The following COL17A1 variants were observed in gnomAD, a reference collection of about 807,000 sequenced individuals.
The protein encoded by COL17A1 is collagen type XVII alpha 1 chain, also known as collagen alpha-1(XVII) chain.
A neutral mutation model predicts 218.4 loss-of-function variants in COL17A1; 181 were observed. That is an observed-to-expected ratio of 0.83 (90% CI 0.73 to 0.94). The LOEUF is 0.94. Among genes scored for constraint, COL17A1 ranks in the 40% least tolerant of loss-of-function variants. The pLI is 0.00. For missense variants in COL17A1, 1,924 were observed against 1,945.9 expected (o/e 0.99, Z 0.21); for synonymous variants, 721 against 731.0 (o/e 0.99, Z 0.22).
Position 104,040,388 on chromosome 10 carries a change from TG to T in COL17A1, c.2723del (p.Pro908GlnfsTer158). The T allele has an allele frequency of 6.2e-7, 1 of 1,611,538 alleles. No individual in the cohort carries two copies. Among genetic ancestry groups the T allele is most frequent in the Non-Finnish European group, 8.5e-7 (1 of 1,177,688 alleles). ...TGGGACCTGGGGGGCCAGGTGGGCCTGGGGGGCCGGAGAGGAAGGTTTCTGC... is the reference window on the plus strand; with the variant it reads ...TGGGACCTGGGGGGCCAGGTGGGCCTGGGGGCCGGAGAGGAAGGTTTCTGC... ...SNSETFLSGP[P>X]GPPGPPGPKG... On this transcript the variant is annotated frameshift_variant, in exon 40 of 56. Coordinates refer to ENST00000648076, the MANE Select transcript of COL17A1 (RefSeq NM_000494.4). LOFTEE classifies it high-confidence loss of function.
At chr10:104,039,165 C>G in intron 43 of COL17A1, 44 bp from the exon 44 acceptor site, 1 of 1,599,470 alleles carries the variant, frequency 6.3e-7, no homozygotes, top group Non-Finnish European at 8.6e-7. Flanking sequence ...CTCCAGGAAG[C>G]CTTCCCTGGT....
intron 1 of COL17A1, among the ~76,000 whole-genome samples, chr10:104,082,471 T>C (rs941339772): frequency 7.9e-5 from 12 of 152,198 alleles, no homozygotes; most frequent in Non-Finnish European, 1.5e-5. Flanking sequence ...TTTGGGGAGA[T>C]TAAACCTTTA....
At chr10:104,075,149 C>G (rs1018072950) in intron 5 of COL17A1, among the ~76,000 whole-genome samples, 17 of 152,130 alleles carry the variant, frequency 1.1e-4, no homozygotes, top group African/African-American at 4.1e-4. Context: ...CTTTTATACT[C>G]TCTTTCTTGG....
In COL17A1 at chr10:104,039,958, C is replaced by G. The variant is rs200371999; in HGVS notation, c.2788+15G>C. On this transcript the variant is annotated intron_variant, in intron 41 of 55. Coordinates refer to ENST00000648076, the MANE Select transcript of COL17A1 (RefSeq NM_000494.4). ...CCCCTACCCCAGGTTTTGTTTGATGCCGGCTCTACTGTACCTTGGTGTCCT... is the reference window on the plus strand; with the variant it reads ...CCCCTACCCCAGGTTTTGTTTGATGGCGGCTCTACTGTACCTTGGTGTCCT... 5.6e-6 allele frequency: 9 copies of G among 1,614,010 alleles called. No homozygotes were observed. Among genetic ancestry groups the G allele is most frequent in the Non-Finnish European group, 7.6e-6 (9 of 1,180,028 alleles).
chr10:104,041,012 G>T, intron 39 of COL17A1, 53 bp downstream of exon 39: 2 of 1,601,338 alleles, frequency 1.2e-6, no homozygotes, highest in Non-Finnish European at 1.7e-6. Flanking sequence ...ACAGTCTGTG[G>T]CAGGACAAGG....
rs60620246 is a variant in COL17A1, at chr10:104,039,737, C to T, written c.2789-97G>A. ...CCAAGATCCATGATTGCTGGGGCTG[C>T]GTTGCCCTTTGGGCAGTACCTAGAG... On this transcript the variant is annotated intron_variant, in intron 41 of 55. Transcript: ENST00000648076. The T allele has an allele frequency of 5.8e-4, 893 of 1,529,446 alleles. 2 individuals are homozygous for T. The African/African-American group carries it at 7.4e-3, about 13-fold the overall frequency. 94.7% of individuals were successfully genotyped at this position (1,529,446 alleles called of 1,614,324 possible). A position where few individuals can be genotyped will look rare whatever the true frequency, so the allele number is the denominator to read the frequency against.
At chr10:104,062,236 G>A (rs567677055) in intron 12 of COL17A1, 22 bp downstream of exon 12, 8 of 1,614,220 alleles carry the variant, frequency 5.0e-6, no homozygotes, top group South Asian at 2.2e-5. Context: ...CAGCGCCTAA[G>A]CTCCAACCCT....
chr10:104,046,862 C>T, intron 31 of COL17A1, 89 bp from the exon 32 acceptor site: 2 of 1,263,448 alleles, frequency 1.6e-6, no homozygotes, highest in East Asian at 4.9e-5. Flanking sequence ...CCGGTGGACA[C>T]TGCAGTGGAG....
chr10:104,033,064 T>A (rs1235539772), intron 53 of COL17A1, 96 bp from the exon 54 acceptor site: 2 of 1,534,852 alleles, frequency 1.3e-6, no homozygotes, highest in Non-Finnish European at 8.9e-7. Context: ...GAGATAGTGA[T>A]GGAGTTTGGA....
chr10:104,048,028 G>A (rs750589432), intron 30 of COL17A1, 41 bp downstream of exon 30: 6 of 1,612,970 alleles, frequency 3.7e-6, no homozygotes, highest in South Asian at 1.1e-5. Flanking sequence ...AACAGGGGCT[G>A]TGACGGGAGT....
Position 104,059,638 on chromosome 10 carries a change from C to T in COL17A1, c.1222G>A (p.Gly408Arg), listed in dbSNP as rs1400541653. Residue 408 changes from glycine to arginine, a missense_variant and splice_region_variant, in exon 15 of 56, where the codon GGA becomes AGA. Physicochemically the swap from Gly to Arg is moderately radical, Grantham distance 125. Coordinates refer to ENST00000648076, the MANE Select transcript of COL17A1 (RefSeq NM_000494.4). ...GGACAACAATCATATTTGTTCTTACCATTAGCTTCGGCTTTTAGGCCTGAG... is the reference window on the plus strand; with the variant it reads ...GGACAACAATCATATTTGTTCTTACTATTAGCTTCGGCTTTTAGGCCTGAG... ...ADSGLKAEAN[G>R]DLKTVSTKGK... 2 of 1,613,822 alleles carry T rather than the reference C, an allele frequency of 1.2e-6. No homozygotes were observed. The highest frequency in any genetic ancestry group is 1.1e-5 in the South Asian group (1 of 91,064).
chr10:104,040,574 A>ATGGG (rs2086348918), intron 39 of COL17A1, among the ~76,000 whole-genome samples, 164 bp from the exon 40 acceptor site: 2 of 119,954 alleles, frequency 1.7e-5, no homozygotes, highest in Non-Finnish European at 3.7e-5. Context: ...GGGTGGGTGG[A>ATGGG]TGGATGGATG....
chr10:104,051,272 C>A (rs1017575916), intron 25 of COL17A1, among the ~76,000 whole-genome samples: 1 of 152,186 alleles, frequency 6.6e-6, no homozygotes, highest in Non-Finnish European at 1.5e-5. Context: ...GGGTCTCAAG[C>A]CCTAAGCCAG....
At chr10:104,036,059 TGG>T in intron 48 of COL17A1, among the ~76,000 whole-genome samples, 1 of 50,628 alleles carries the variant, frequency 2.0e-5, no homozygotes, top group African/African-American at 6.4e-5. Flanking sequence ...AGTGTGTGTA[TGG>T]GAGTATGTGT....
At chr10:104,054,935 T>G in intron 20 of COL17A1, 46 bp downstream of exon 20, 2 of 1,613,894 alleles carry the variant, frequency 1.2e-6, no homozygotes, top group Non-Finnish European at 1.7e-6. Flanking sequence ...TTGAAACAAT[T>G]AACACTTGCT....
At chr10:104,077,277 T>C (rs2086718896) in intron 4 of COL17A1, 145 bp downstream of exon 4, 1 of 728,072 alleles carries the variant, frequency 1.4e-6, no homozygotes, top group East Asian at 2.7e-5. Flanking sequence ...CAGGGGGATT[T>C]GGAATGGATG....
chr10:104,058,104 C>G (rs1219967254), intron 16 of COL17A1, 42 bp downstream of exon 16: 1 of 1,613,482 alleles, frequency 6.2e-7, no homozygotes, highest in Admixed American at 1.7e-5. Context: ...ATAAGCAGCC[C>G]CACTGGATCC....
intron 25 of COL17A1, 152 bp downstream of exon 25, chr10:104,051,329 C>T (rs1033378229): frequency 1.9e-6 from 2 of 1,058,720 alleles, no homozygotes; most frequent in Non-Finnish European, 2.9e-6. Flanking sequence ...CAACCTCTGC[C>T]ACAGGAGACA....
At chr10:104,035,772 T>G (rs2086274706) in intron 48 of COL17A1, among the ~76,000 whole-genome samples, 1 of 88,504 alleles carries the variant, frequency 1.1e-5, no homozygotes, top group Non-Finnish European at 2.5e-5. Flanking sequence ...GCCTGTGTGC[T>G]TCATTCTGTG....
Sources: gnomAD v4.1 joint callset for allele counts (sites outside exome capture counted in the v4.1 genomes callset) on GRCh38, gnomAD v4.1.1 for gene constraint, MANE v1.5 for transcripts, NCBI Gene and HGNC (gene_info 2026-07-23, HGNC 2026-07-21) for gene names.